RNF217: variants seen among roughly 807,000 people sequenced by gnomAD.
RNF217 encodes ring finger protein 217, also known as E3 ubiquitin-protein ligase RNF217.
In RNF217, 31 loss-of-function variants were observed where a neutral mutation model predicts 57.8. The observed-to-expected ratio is 0.54, with a 90% CI of 0.40 to 0.72. RNF217 has a LOEUF of 0.72. Ranked by LOEUF, RNF217 falls within the 30% of genes least tolerant of loss-of-function variation. The pLI is 0.00. For synonymous variants in RNF217, 313 were observed against 294.0 expected (o/e 1.06, Z -0.66); for missense variants, 696 against 708.3 (o/e 0.98, Z 0.20).
At chr6:125,051,999 G>A (rs1274467020) in intron 2 of RNF217, among the ~76,000 whole-genome samples, 1 of 152,030 alleles carries the variant, frequency 6.6e-6, no homozygotes, top group Non-Finnish European at 1.5e-5. Context: ...TGTAAATGCT[G>A]AAGGTGTTTC....
At chr6:125,023,641 T>C (rs902751191) in intron 1 of RNF217, among the ~76,000 whole-genome samples, 4 of 152,220 alleles carry the variant, frequency 2.6e-5, no homozygotes, top group African/African-American at 9.6e-5. Flanking sequence ...CATTGTGCCC[T>C]GTTCACAATA....
intron 1 of RNF217, among the ~76,000 whole-genome samples, chr6:124,980,730 A>AT (rs1784133561): frequency 6.6e-6 from 1 of 152,114 alleles, no homozygotes; most frequent in Admixed American, 6.6e-5. Flanking sequence ...TTAAACAAAG[A>AT]TTTTTTGTTG....
At chr6:125,081,284 A>C in intron 4 of RNF217, 152 bp from the exon 5 acceptor site, 1 of 591,484 alleles carries the variant, frequency 1.7e-6, no homozygotes, top group Non-Finnish European at 3.0e-6. Flanking sequence ...TTCTATACCT[A>C]ATCCTGATAC....
At chr6:125,004,713 A>G (rs1052764098) in intron 1 of RNF217, among the ~76,000 whole-genome samples, 2 of 152,182 alleles carry the variant, frequency 1.3e-5, no homozygotes, top group Admixed American at 6.5e-5. Flanking sequence ...TAAATGCCTA[A>G]ATATATGCAC....
Position 125,058,043 on chromosome 6 carries a change from G to A in RNF217, c.1218G>A (p.Leu406=). 6.2e-7 allele frequency: 1 copy of A among 1,613,546 alleles called. No individual in the cohort carries two copies. The highest frequency in any genetic ancestry group is 8.5e-7 in the Non-Finnish European group (1 of 1,179,698). Reference sequence around the variant, plus strand: ...AGTACAAAAAAGGAGACAAATTGTTGCGTCACTGGGCCAGCGAAATTGAGC... The same window carrying A: ...AGTACAAAAAAGGAGACAAATTGTTACGTCACTGGGCCAGCGAAATTGAGC... ...CKEYKKGDKL[L]RHWASEIEHG... Residue 406 remains leucine (L), a synonymous_variant, in exon 3 of 6, where the codon TTG becomes TTA. Coordinates refer to ENST00000521654, the MANE Select transcript of RNF217 (RefSeq NM_001286398.3).
At chr6:124,970,212 A>G (rs928498274) in intron 1 of RNF217, among the ~76,000 whole-genome samples, 2 of 152,188 alleles carry the variant, frequency 1.3e-5, no homozygotes, top group Non-Finnish European at 2.9e-5. Context: ...TTTAAAAGAG[A>G]TTACTCCATC....
intron 1 of RNF217, among the ~76,000 whole-genome samples, chr6:124,980,694 TTAGAG>T (rs138434664): frequency 0.16 from 24,822 of 152,002 alleles, 2,130 homozygotes; most frequent in Middle Eastern, 0.21. Context: ...TTGTTTTTGG[TTAGAG>T]TAGAGTGATA....
At chr6:125,033,008 A>C (rs9375383) in intron 1 of RNF217, among the ~76,000 whole-genome samples, 63,063 of 151,976 alleles carry the variant, frequency 0.41, 13,940 homozygotes, top group South Asian at 0.58. Context: ...CTTTTCCCTG[A>C]TGACTTATGA....
At chr6:125,009,412 G>A in intron 1 of RNF217, 1 of 566,804 alleles carries the variant, frequency 1.8e-6, no homozygotes, top group Non-Finnish European at 3.2e-6. Flanking sequence ...CACTTTCCTT[G>A]AGTATAAGTG....
intron 1 of RNF217, among the ~76,000 whole-genome samples, chr6:125,005,646 G>A (rs1474155590): frequency 6.6e-6 from 1 of 152,048 alleles, no homozygotes; most frequent in Non-Finnish European, 1.5e-5. Flanking sequence ...TCTTGAAGGA[G>A]CACTTAATTT....
chr6:125,003,719 C>G (rs9401792), intron 1 of RNF217, among the ~76,000 whole-genome samples: 39,063 of 151,758 alleles, frequency 0.26, 5,579 homozygotes, highest in East Asian at 0.43. Flanking sequence ...AATTATTTGT[C>G]AATTTTAAAA....
At chr6:125,081,294 C>A (rs1788563778) in intron 4 of RNF217, 142 bp from the exon 5 acceptor site, 1 of 606,118 alleles carries the variant, frequency 1.6e-6, no homozygotes, top group Non-Finnish European at 2.9e-6. Context: ...AATCCTGATA[C>A]ATTTCTTAGA....
chr6:125,058,149 G>T, intron 3 of RNF217, 43 bp downstream of exon 3: 1 of 1,532,316 alleles, frequency 6.5e-7, no homozygotes, highest in South Asian at 1.2e-5. Flanking sequence ...ATGTACATCT[G>T]GATGTGACTG....
intron 4 of RNF217, among the ~76,000 whole-genome samples, chr6:125,080,541 CTCTT>C (rs1470996172): frequency 6.6e-6 from 1 of 152,040 alleles, no homozygotes; most frequent in Non-Finnish European, 1.5e-5. Context: ...CAAAGTTTCT[CTCTT>C]TCTCATCTCT....
At chr6:124,993,227 A>T (rs1316899956) in intron 1 of RNF217, among the ~76,000 whole-genome samples, 1 of 152,150 alleles carries the variant, frequency 6.6e-6, no homozygotes, top group Non-Finnish European at 1.5e-5. Context: ...TGCCCCAAGA[A>T]ATTCTGATTT....
intron 1 of RNF217, among the ~76,000 whole-genome samples, chr6:124,965,295 C>T (rs577347608): frequency 8.5e-5 from 13 of 152,210 alleles, no homozygotes; most frequent in African/African-American, 2.7e-4. Context: ...CATTATTGGC[C>T]GGGTGCGGTG....
At chr6:125,042,763 G>A (rs1786934017) in intron 1 of RNF217, among the ~76,000 whole-genome samples, 1 of 152,012 alleles carries the variant, frequency 6.6e-6, no homozygotes, top group Admixed American at 6.6e-5. Flanking sequence ...ACTGCATTCA[G>A]TTTCCATAAC....
chr6:125,032,254 A>G (rs1335635250), intron 1 of RNF217, among the ~76,000 whole-genome samples: 1 of 152,170 alleles, frequency 6.6e-6, no homozygotes, highest in Non-Finnish European at 1.5e-5. Context: ...CCCATAATTC[A>G]TTAGTGCAAA....
chr6:125,017,446 A>G (rs1053066883), intron 1 of RNF217, among the ~76,000 whole-genome samples: 5 of 152,144 alleles, frequency 3.3e-5, no homozygotes, highest in East Asian at 1.9e-4. Context: ...ATTTGTCTCT[A>G]TTGTCACAAG....
Sources: allele counts gnomAD v4.1 joint callset (sites outside exome capture counted in the v4.1 genomes callset), GRCh38; gene constraint gnomAD v4.1.1; transcripts MANE v1.5; gene names NCBI Gene and HGNC (gene_info 2026-07-23, HGNC 2026-07-21).